Variants in TULP4 observed in about 807,000 individuals in gnomAD.
TULP4 encodes the protein TUB like protein 4, also known as tubby-related protein 4.
In TULP4, 16 loss-of-function variants were observed where a neutral mutation model predicts 129.0. That is an observed-to-expected ratio of 0.12 (90% CI 0.08 to 0.19). TULP4 has a LOEUF of 0.19. TULP4 is among the 10% of genes least tolerant of loss of function. The pLI is 1.00. For missense variants in TULP4, 1,842 were observed against 2,059.1 expected (o/e 0.89, Z 2.04); for synonymous variants, 998 against 854.0 (o/e 1.17, Z -2.94).
chr6:158,245,152 C>A (rs1342463650), intron 1 of TULP4, among the ~76,000 whole-genome samples: 3 of 148,116 alleles, frequency 2.0e-5, no homozygotes, highest in Non-Finnish European at 1.5e-5. Context: ...CACACCTGGT[C>A]AATTAAATTT....
In TULP4 at chr6:158,493,904, C is replaced by T. The variant is rs896376757; in HGVS notation, c.1776+187C>T. On this transcript the variant is annotated intron_variant, in intron 10 of 13. Transcript: ENST00000367097. The surrounding 1 kb of genome is among the most constrained non-coding windows in gnomAD (Gnocchi z 4.4). ...TGGAGCTCTGGCTTCTCCACCTGTG[C>T]CCCTCAGCCAGTTCTGATCTTGCAG... Among the ~76,000 whole-genome samples the T allele has an allele frequency of 6.6e-6, 1 of 152,156 alleles. No individual in the cohort carries two copies. The highest frequency in any genetic ancestry group is 1.5e-5 in the Non-Finnish European group (1 of 68,012).
At chr6:158,285,424 A>G (rs1462500560) in intron 1 of TULP4, among the ~76,000 whole-genome samples, 1 of 152,156 alleles carries the variant, frequency 6.6e-6, no homozygotes, top group Non-Finnish European at 1.5e-5. Flanking sequence ...GTAAGGAAAC[A>G]CTTTTGCTGG....
rs758949484 is a variant in TULP4, at chr6:158,267,814, A to G, written n.68+35511A>G. On this transcript the variant is annotated intron_variant and non_coding_transcript_variant, in intron 1 of 1. Coordinates refer to the TULP4 transcript ENST00000620026. ...CATGTTTGTTGGCCAGACATTGCCT[A>G]AAGCCCTGTAGTCAAGGGTGGTGTG... Among the ~76,000 whole-genome samples, 26 of 152,204 alleles carry G rather than the reference A, an allele frequency of 1.7e-4. No individual in the cohort carries two copies. In the South Asian group the frequency reaches 1.9e-3, roughly 11 times the overall value.
Position 158,449,122 on chromosome 6 carries a change from G to A in TULP4, c.670G>A (p.Val224Met). 6.2e-7 allele frequency: 1 copy of A among 1,614,092 alleles called. No homozygotes were observed. The highest frequency in any genetic ancestry group is 8.5e-7 in the Non-Finnish European group (1 of 1,180,020). Residue 224 changes from valine to methionine, a missense_variant, in exon 4 of 14, where the codon GTG (valine) becomes ATG (methionine). Coordinates refer to ENST00000367097, the MANE Select transcript of TULP4 (RefSeq NM_020245.5). The stretch of plus-strand genomic sequence containing the variant: ...GTCCTGGAACTACCCGATCTTCCTG[G>A]TGGAGGACAGCAGCGAGAGCGACAC... Reference protein sequence around the residue: ...GMSWNYPIFLVEDSSESDTDS... With the variant: ...GMSWNYPIFLMEDSSESDTDS...
rs1041572892 is a variant in TULP4 at position 158,509,592 on chromosome 6, T to A, written c.*2898T>A. The stretch of plus-strand genomic sequence containing the variant: ...GTGAGAAGAAAAAAATGGATTTTTT[T>A]AGCAAATAATTAACTAAGCTTCTAA... On this transcript the variant is annotated 3_prime_UTR_variant, in exon 14 of 14. Coordinates refer to ENST00000367097, the MANE Select transcript of TULP4 (RefSeq NM_020245.5). 1 of 152,226 alleles carries A rather than the reference T, an allele frequency of 6.6e-6. No individual in the cohort carries two copies. Among genetic ancestry groups the A allele is most frequent in the South Asian group, 2.1e-4 (1 of 4,828 alleles). 9.4% of individuals were successfully genotyped at this position (152,226 alleles called of 1,614,324 possible). A position where few individuals can be genotyped will look rare whatever the true frequency, so the allele number is the denominator to read the frequency against.
intron 1 of TULP4, among the ~76,000 whole-genome samples, chr6:158,346,482 A>G (rs1780315786): frequency 6.6e-6 from 1 of 152,220 alleles, no homozygotes. Flanking sequence ...TAGGAAACCA[A>G]AAAATGGTGT....
At chr6:158,359,525 G>A (rs1562533984) in intron 1 of TULP4, among the ~76,000 whole-genome samples, 1 of 152,144 alleles carries the variant, frequency 6.6e-6, no homozygotes, top group Non-Finnish European at 1.5e-5. Flanking sequence ...CGTCCAGCAC[G>A]GGAGAAAGAT....
intron 1 of TULP4, among the ~76,000 whole-genome samples, chr6:158,348,634 T>A (rs911899039): frequency 1.3e-5 from 2 of 152,004 alleles, no homozygotes; most frequent in Non-Finnish European, 2.9e-5. Flanking sequence ...TTTCCCCCTT[T>A]TCTTTTTGAC....
chr6:158,503,534 C>T lies in TULP4; in HGVS notation c.3871C>T (p.Leu1291Phe). ...PKPHLVVEKPLVSPPPADLQS... is the reference protein window; with the variant it reads ...PKPHLVVEKPFVSPPPADLQS... ...GCCACACTTGGTGGTGGAGAAGCCCCTTGTGTCCCCACCACCTGCCGACCT... is the reference window on the plus strand; with the variant it reads ...GCCACACTTGGTGGTGGAGAAGCCCTTTGTGTCCCCACCACCTGCCGACCT... The change falls in exon 13 of 14, where the codon CTT (leucine) becomes TTT (phenylalanine). Residue 1291 changes from leucine (L) to phenylalanine (F), a missense_variant. This residue lies in a region of TULP4 where 1,089 missense variants were observed against 987.1 expected (regional missense o/e 1.10). Coordinates refer to ENST00000367097, the MANE Select transcript of TULP4 (RefSeq NM_020245.5). This position sits in a 1 kb window ranked among gnomAD's most constrained non-coding sequence, Gnocchi z 4.3. 1 of 1,613,982 alleles carries T rather than the reference C, an allele frequency of 6.2e-7. No homozygotes were observed. Among genetic ancestry groups the T allele is most frequent in the Non-Finnish European group, 8.5e-7 (1 of 1,180,032 alleles).
At chr6:158,504,797 T>A (rs1780561605) in intron 13 of TULP4, among the ~76,000 whole-genome samples, 1 of 152,138 alleles carries the variant, frequency 6.6e-6, no homozygotes, top group Non-Finnish European at 1.5e-5. Context: ...TGGCCTGCAG[T>A]CATATTTGTA....
intron 3 of TULP4, among the ~76,000 whole-genome samples, chr6:158,435,681 C>G (rs780690087): frequency 1.3e-5 from 2 of 152,134 alleles, no homozygotes; most frequent in Non-Finnish European, 2.9e-5. Context: ...GCTCATCGCT[C>G]TTGTCCTTCA....
rs909780913 is a variant in TULP4, at chr6:158,489,568, G to C, written c.1487-20G>C. 5.0e-6 allele frequency: 8 copies of C among 1,613,852 alleles called. No individual in the cohort carries two copies. In the South Asian group the frequency reaches 8.8e-5, roughly 18 times the overall value. Reference sequence around the variant, plus strand: ...ATTGATATAACTTCCCTTGAAATCTGCTGGTTGGTGTTTTACCAGATGAAA... The same window carrying C: ...ATTGATATAACTTCCCTTGAAATCTCCTGGTTGGTGTTTTACCAGATGAAA... On this transcript the variant is annotated intron_variant, in intron 8 of 13. Coordinates refer to ENST00000367097, the MANE Select transcript of TULP4 (RefSeq NM_020245.5).
intron 6 of TULP4, among the ~76,000 whole-genome samples, chr6:158,469,059 T>C (rs1396051966): frequency 6.6e-6 from 1 of 152,198 alleles, no homozygotes; most frequent in African/African-American, 2.4e-5. Flanking sequence ...CCTTTTGTTT[T>C]GTATTTTTAT....
chr6:158,300,540 C>A (rs1237031740), intron 1 of TULP4, among the ~76,000 whole-genome samples: 20 of 152,176 alleles, frequency 1.3e-4, no homozygotes, highest in Non-Finnish European at 2.8e-4. Context: ...GGAAATTCCC[C>A]ATTGTTGCAT....
At position 158,481,171 on chromosome 6, in the gene TULP4, G is replaced by A. The variant is rs745898509; in HGVS notation, c.1368G>A (p.Pro456=). 6.1e-5 allele frequency: 98 copies of A among 1,614,102 alleles called. No homozygotes were observed. The highest frequency in any genetic ancestry group is 3.3e-4 in the Middle Eastern group (2 of 6,084). Residue 456 remains proline (P), a synonymous_variant, in exon 8 of 14, where the codon CCG becomes CCA. Coordinates refer to ENST00000367097, the MANE Select transcript of TULP4 (RefSeq NM_020245.5). ...AGGACGACCCGGAGGTGGGCGGCCC[G>A]TGCTACACGCTCTACCTGGAGTACC... ...RTEDDPEVGG[P]CYTLYLEYLG...
At chr6:158,438,595 G>T (rs1778807643) in intron 3 of TULP4, among the ~76,000 whole-genome samples, 1 of 145,876 alleles carries the variant, frequency 6.9e-6, no homozygotes, top group East Asian at 1.9e-4. Flanking sequence ...TTGTTTGTTT[G>T]TTTGTTTGAG....
At chr6:158,272,877 C>T (rs542893527) in intron 1 of TULP4, among the ~76,000 whole-genome samples, 3 of 152,282 alleles carry the variant, frequency 2.0e-5, no homozygotes, top group East Asian at 1.9e-4. Context: ...GCTAAGGAAA[C>T]GATCAATATG....
intron 1 of TULP4, among the ~76,000 whole-genome samples, chr6:158,391,696 C>T (rs1777588379): frequency 6.6e-6 from 1 of 152,164 alleles, no homozygotes; most frequent in Non-Finnish European, 1.5e-5. Flanking sequence ...TACATGCCAC[C>T]TGTTTGCTTA....
chr6:158,376,233 C>G (rs944708579), intron 1 of TULP4, among the ~76,000 whole-genome samples: 2 of 152,178 alleles, frequency 1.3e-5, no homozygotes, highest in African/African-American at 4.8e-5. Flanking sequence ...GGTTCTGGAT[C>G]AGGAACTTGG....
Sources: allele counts gnomAD v4.1 joint callset (sites outside exome capture counted in the v4.1 genomes callset), GRCh38; gene constraint gnomAD v4.1.1; regional missense constraint gnomAD v4.1.1; non-coding constraint Gnocchi (gnomAD v3.1); transcripts MANE v1.5; gene names NCBI Gene and HGNC (gene_info 2026-07-23, HGNC 2026-07-21).